Variants in ZNF280C observed in about 807,000 individuals in gnomAD.
ZNF280C encodes the protein zinc finger protein 280C, also known as suppressor of hairy wing homolog 3.
Under a neutral mutation model 53.6 loss-of-function variants are expected in ZNF280C, and 14 were observed. The observed-to-expected ratio is 0.26, with a 90% CI of 0.17 to 0.41. The LOEUF (loss-of-function observed/expected upper bound fraction) is 0.41, where lower values mean the gene tolerates loss of function less well. Among genes scored for constraint, ZNF280C ranks in the 10% least tolerant of loss-of-function variants. The pLI, the probability that ZNF280C is intolerant of heterozygous loss-of-function variation, is 1.00. For missense variants in ZNF280C, 416 were observed against 547.1 expected, an observed-to-expected ratio of 0.76 and a Z score of 2.39; for synonymous variants, 203 against 181.1, an observed-to-expected ratio of 1.12 and a Z score of -0.97.
intron 1 of ZNF280C, among the ~76,000 whole-genome samples, chrX:130,264,866 T>C (rs1006920189): frequency 9.0e-6 from 1 of 111,623 alleles, no homozygotes; most frequent in Admixed American, 9.6e-5. Flanking sequence ...TTCAGGGGTG[T>C]CTGTGAAATG....
intron 2 of ZNF280C, among the ~76,000 whole-genome samples, chrX:130,258,529 CA>C (rs1448345993): frequency 3.6e-5 from 4 of 111,995 alleles, no homozygotes; most frequent in Non-Finnish European, 5.6e-5. Flanking sequence ...GTCTGCCTAC[CA>C]AACAAAGAAA....
intron 16 of ZNF280C, among the ~76,000 whole-genome samples, chrX:130,207,565 T>C (rs1413483258): frequency 9.0e-6 from 1 of 110,886 alleles, no homozygotes; most frequent in African/African-American, 3.3e-5. Context: ...TTTTGCCATG[T>C]TGGCCAGGTT....
rs985378161 is a variant in ZNF280C, at chrX:130,232,354, CTAATT to C, written c.772-1632_772-1628del. 8.4e-5 allele frequency among the ~76,000 whole-genome samples: 9 copies of C among 107,534 alleles called. No homozygotes were observed. In the Admixed American group the frequency reaches 9.3e-4, roughly 11 times the overall value. 93.4% of individuals were successfully genotyped at this position (107,534 alleles called of 115,157 possible). The stretch of plus-strand genomic sequence containing the variant: ...GCCTTTTTTATCCAATGAGATGAAA[CTAATT>C]TATTTATTGTATATATTTTACAGTT... On this transcript the variant is annotated intron_variant, in intron 8 of 18. Transcript: ENST00000370978.
chrX:130,241,508 C>T (rs999720254), intron 5 of ZNF280C, among the ~76,000 whole-genome samples: 62 of 112,494 alleles, frequency 5.5e-4, no homozygotes, highest in African/African-American at 2.0e-3. Flanking sequence ...CGCCTGTAAT[C>T]CCAACATTTT....
At chrX:130,247,115 A>G (rs1001927034) in intron 2 of ZNF280C, 110 bp from the exon 3 acceptor site, 1 of 779,954 alleles carries the variant, frequency 1.3e-6, no homozygotes, top group Admixed American at 3.5e-5. Context: ...AATAGCAATT[A>G]CTGACTTGAT....
At chrX:130,227,900 A>G (rs2032236608) in intron 10 of ZNF280C, 118 bp from the exon 11 acceptor site, 2 of 443,885 alleles carry the variant, frequency 4.5e-6, no homozygotes, top group East Asian at 3.9e-5. Flanking sequence ...GGTTCTAACA[A>G]TTCTATAGCT....
rs1007863445 is a variant in ZNF280C, at chrX:130,204,024, T to C, written c.*953A>G. The C allele has an allele frequency of 1.4e-4, 16 of 111,900 alleles. No homozygotes were observed. Among genetic ancestry groups the C allele is most frequent in the African/African-American group, 5.2e-4 (16 of 30,846 alleles). 9.2% of individuals were successfully genotyped at this position (111,900 alleles called of 1,213,427 possible). On this transcript the variant is annotated 3_prime_UTR_variant, in exon 19 of 19. Transcript: ENST00000370978. Reference sequence around the variant, plus strand: ...GTATTGCTGAAAATTCCTAGAATACTGGATAAAACTTTAAATAACATGAAC... The same window carrying C: ...GTATTGCTGAAAATTCCTAGAATACCGGATAAAACTTTAAATAACATGAAC...
At chrX:130,229,357 T>G (rs1793681279) in intron 9 of ZNF280C, among the ~76,000 whole-genome samples, 1 of 112,388 alleles carries the variant, frequency 8.9e-6, no homozygotes, top group Non-Finnish European at 1.9e-5. Context: ...AATCCATTAA[T>G]GTAGTAGTAT....
At chrX:130,244,730 A>G (rs1484730132) in intron 3 of ZNF280C, among the ~76,000 whole-genome samples, 1 of 102,859 alleles carries the variant, frequency 9.7e-6, no homozygotes, top group Non-Finnish European at 2.0e-5. Context: ...GTGAGCCGAG[A>G]TCGTGCCACT....
intron 6 of ZNF280C, among the ~76,000 whole-genome samples, chrX:130,237,633 TAGG>T (rs1470134257): frequency 3.6e-5 from 4 of 111,737 alleles, no homozygotes; most frequent in Non-Finnish European, 7.6e-5. Context: ...TGTACATTAA[TAGG>T]AGAAGCAGTA....
intron 16 of ZNF280C, among the ~76,000 whole-genome samples, chrX:130,206,880 T>C (rs1306895128): frequency 3.6e-5 from 4 of 112,466 alleles, no homozygotes; most frequent in African/African-American, 1.3e-4. Flanking sequence ...TCAAACGTTT[T>C]ATGATGTTAA....
At chrX:130,238,543 C>T (rs1365843561) in intron 6 of ZNF280C, among the ~76,000 whole-genome samples, 1 of 111,383 alleles carries the variant, frequency 9.0e-6, no homozygotes, top group Admixed American at 9.6e-5. Flanking sequence ...CCACTCTCTG[C>T]TGTATTAATC....
chrX:130,251,306 A>AAAAAAAAAAAAAAAC (rs1569439584), intron 2 of ZNF280C, among the ~76,000 whole-genome samples: 4 of 103,606 alleles, frequency 3.9e-5, no homozygotes. Flanking sequence ...AAAAAAAAAA[A>AAAAAAAAAAAAAAAC]AGACCAGCAA....
At position 130,220,270 on chromosome X, in the gene ZNF280C, C is replaced by G. The variant is rs754493032; in HGVS notation, c.1527+79G>C. On this transcript the variant is annotated intron_variant, in intron 13 of 18. Coordinates refer to ENST00000370978, the MANE Select transcript of ZNF280C (RefSeq NM_017666.5). ...TTTCTAACACTAGATCTTATTCCTT[C>G]TATCCATAATAAAAAAAAAAACATA... 3.3e-6 allele frequency: 3 copies of G among 898,043 alleles called. No individual in the cohort carries two copies. In the East Asian group the frequency reaches 1.1e-4, roughly 32 times the overall value. The allele number at this position is 898,043 out of a possible 1,213,427, so 74.0% of individuals were successfully genotyped here. A position where few individuals can be genotyped will look rare whatever the true frequency, so the allele number is the denominator to read the frequency against.
intron 3 of ZNF280C, among the ~76,000 whole-genome samples, chrX:130,244,777 T>TAACA (rs2032432130): frequency 1.5e-5 from 1 of 65,455 alleles, no homozygotes; most frequent in Non-Finnish European, 2.7e-5. Flanking sequence ...GACTCCATCT[T>TAACA]AAAAAAAAAA....
chrX:130,251,306 A>AAAAC, intron 2 of ZNF280C, among the ~76,000 whole-genome samples: 2 of 103,605 alleles, frequency 1.9e-5, no homozygotes. Flanking sequence ...AAAAAAAAAA[A>AAAAC]AGACCAGCAA....
chrX:130,237,382 T>C (rs777623345), intron 6 of ZNF280C, among the ~76,000 whole-genome samples: 112 of 111,770 alleles, frequency 1.0e-3, no homozygotes, highest in Non-Finnish European at 1.1e-3. Flanking sequence ...TCTGCTTTTA[T>C]GTTTTATTAA....
chrX:130,231,991 C>A (rs1055393101), intron 8 of ZNF280C, among the ~76,000 whole-genome samples: 1 of 104,632 alleles, frequency 9.6e-6, no homozygotes. Flanking sequence ...CGCGCCACTG[C>A]ACTCCAGCCC....
chrX:130,217,200 A>AT (rs2032113888), intron 13 of ZNF280C, among the ~76,000 whole-genome samples: 2 of 111,939 alleles, frequency 1.8e-5, no homozygotes, highest in Admixed American at 9.5e-5. Flanking sequence ...AACAACCCAT[A>AT]TGCCCACCAA....
Sources: allele counts gnomAD v4.1 joint callset (sites outside exome capture counted in the v4.1 genomes callset), GRCh38; gene constraint gnomAD v4.1.1; transcripts MANE v1.5; gene names NCBI Gene and HGNC (gene_info 2026-07-23, HGNC 2026-07-21).